The following GNAO1 variants were observed in gnomAD, a reference collection of about 807,000 sequenced individuals.
The protein encoded by GNAO1 is G protein subunit alpha o1.
For missense variants in GNAO1, 166 were observed against 478.7 expected, an observed-to-expected ratio of 0.35 and a Z score of 6.10; for synonymous variants, 164 against 180.7, an observed-to-expected ratio of 0.91 and a Z score of 0.74.
intron 2 of GNAO1, among the ~76,000 whole-genome samples, chr16:56,250,659 T>G (rs2036791248): frequency 6.6e-6 from 1 of 152,200 alleles, no homozygotes; most frequent in Admixed American, 6.5e-5. Flanking sequence ...CCTCTCTCAC[T>G]GAAAAGTCTG....
At chr16:56,345,132 G>A (rs1250807108) in intron 6 of GNAO1, 2 of 985,674 alleles carry the variant, frequency 2.0e-6, no homozygotes, top group South Asian at 4.7e-5. Context: ...TGAGCAGAAG[G>A]GGGCGGGGTA....
intron 2 of GNAO1, among the ~76,000 whole-genome samples, chr16:56,252,947 TG>T (rs1178487388): frequency 2.4e-4 from 37 of 152,218 alleles, no homozygotes; most frequent in African/African-American, 7.7e-4. Flanking sequence ...CCGTCCATGC[TG>T]GAGCCAGATT....
At chr16:56,291,216 C>A (rs573988027) in intron 3 of GNAO1, among the ~76,000 whole-genome samples, 1 of 152,152 alleles carries the variant, frequency 6.6e-6, no homozygotes, top group Non-Finnish European at 1.5e-5. Context: ...GTGGCTACAC[C>A]GTCTTACATT....
chr16:56,343,615 C>T (rs931002164), intron 6 of GNAO1: 1 of 609,758 alleles, frequency 1.6e-6, no homozygotes, highest in East Asian at 2.7e-5. Flanking sequence ...TTTGCTGACC[C>T]CTCAGGTCCC....
At chr16:56,248,705 C>G (rs2036771980) in intron 2 of GNAO1, among the ~76,000 whole-genome samples, 1 of 152,158 alleles carries the variant, frequency 6.6e-6, no homozygotes, top group South Asian at 2.1e-4. Flanking sequence ...GAAGAGTGTT[C>G]TAGGCAGAAG....
chr16:56,342,633 T>C (rs1596876684), intron 6 of GNAO1, among the ~76,000 whole-genome samples: 1 of 152,290 alleles, frequency 6.6e-6, no homozygotes, highest in South Asian at 2.1e-4. Context: ...AACAAGAAGT[T>C]TATAGGCTTC....
chr16:56,332,598 T>A (rs1051109025), intron 4 of GNAO1, among the ~76,000 whole-genome samples: 1 of 152,238 alleles, frequency 6.6e-6, no homozygotes, highest in African/African-American at 2.4e-5. Flanking sequence ...CTGTGTCGAC[T>A]GCCCCATCCC....
chr16:56,252,764 C>A (rs1221984423), intron 2 of GNAO1, among the ~76,000 whole-genome samples: 1 of 152,228 alleles, frequency 6.6e-6, no homozygotes, highest in African/African-American at 2.4e-5. Flanking sequence ...TCCCAACCTT[C>A]CTCCTGGCCC....
intron 3 of GNAO1, among the ~76,000 whole-genome samples, chr16:56,291,327 T>C (rs1428583485): frequency 1.3e-5 from 2 of 152,240 alleles, no homozygotes; most frequent in African/African-American, 4.8e-5. Context: ...CTATAACTCA[T>C]TGTGGTTTTC....
intron 2 of GNAO1, among the ~76,000 whole-genome samples, chr16:56,215,810 T>A (rs1156660062): frequency 6.6e-6 from 1 of 152,202 alleles, no homozygotes; most frequent in African/African-American, 2.4e-5. Context: ...TATGTATCAT[T>A]TGTGTGTTTG....
chr16:56,212,062 G>T (rs2036394423), intron 2 of GNAO1, among the ~76,000 whole-genome samples: 1 of 152,190 alleles, frequency 6.6e-6, no homozygotes, highest in Non-Finnish European at 1.5e-5. Context: ...CAATTGATGG[G>T]AGGAGAGTCT....
intron 2 of GNAO1, among the ~76,000 whole-genome samples, chr16:56,228,498 AG>A (rs1358651608): frequency 6.6e-6 from 1 of 151,892 alleles, no homozygotes; most frequent in African/African-American, 2.4e-5. Flanking sequence ...AAATACATAA[AG>A]AAAAATAGAA....
At position 56,314,410 on chromosome 16, in the gene GNAO1, G is replaced by A. The variant is rs534715047; in HGVS notation, c.304-14221G>A. On this transcript the variant is annotated intron_variant, in intron 3 of 8. Coordinates refer to ENST00000262493, the MANE Select transcript of GNAO1 (RefSeq NM_020988.3). Reference sequence around the variant, plus strand: ...GTCCCATGAAGGAAGGGATGAGTCCGGCTTGCAACTCAGCCTTTCCCCAGT... The same window carrying A: ...GTCCCATGAAGGAAGGGATGAGTCCAGCTTGCAACTCAGCCTTTCCCCAGT... 2.4e-3 allele frequency among the ~76,000 whole-genome samples: 367 copies of A among 152,278 alleles called. 1 individual carries two copies. Among genetic ancestry groups the A allele is most frequent in the Non-Finnish European group, 4.3e-3 (293 of 68,022 alleles).
At chr16:56,216,559 A>G (rs1200071449) in intron 2 of GNAO1, among the ~76,000 whole-genome samples, 2 of 152,234 alleles carry the variant, frequency 1.3e-5, no homozygotes, top group Non-Finnish European at 2.9e-5. Flanking sequence ...TGAATCATTA[A>G]GTGTTCAAGT....
intron 3 of GNAO1, among the ~76,000 whole-genome samples, chr16:56,284,108 C>G: frequency 6.6e-6 from 1 of 152,186 alleles, no homozygotes; most frequent in African/African-American, 2.4e-5. Context: ...TCCACAAATA[C>G]TTATCACTCA....
At chr16:56,307,828 G>A (rs1400949304) in intron 3 of GNAO1, 2 of 152,296 alleles carry the variant, frequency 1.3e-5, no homozygotes, top group Admixed American at 6.5e-5. Flanking sequence ...GAAGGATGGT[G>A]AGATGAGCAT....
chr16:56,246,320 C>T (rs1231714769), intron 2 of GNAO1, among the ~76,000 whole-genome samples: 3 of 152,240 alleles, frequency 2.0e-5, no homozygotes, highest in Non-Finnish European at 4.4e-5. Context: ...ACTTCAGCCT[C>T]CCAGCTGTAA....
Position 56,351,252 on chromosome 16 carries a change from C to G in GNAO1, c.724-132C>G. 1.6e-6 allele frequency: 1 copy of G among 627,612 alleles called. No individual in the cohort carries two copies. Among genetic ancestry groups the G allele is most frequent in the South Asian group, 1.9e-5 (1 of 52,254 alleles). The allele number at this position is 627,612 out of a possible 1,614,324, so 38.9% of individuals were successfully genotyped here. A position where few individuals can be genotyped will look rare whatever the true frequency, so the allele number is the denominator to read the frequency against. On this transcript the variant is annotated intron_variant, in intron 6 of 8. Coordinates refer to ENST00000262493, the MANE Select transcript of GNAO1 (RefSeq NM_020988.3). This position sits in a 1 kb window ranked among gnomAD's most constrained non-coding sequence, Gnocchi z 6.1. ...GAGGTGTAACTGACTCAGGTTCCAT[C>G]TGGCAGCCTCTCGGAGGAGCTGCCG...
chr16:56,287,433 T>G (rs1272674551), intron 3 of GNAO1, among the ~76,000 whole-genome samples: 1 of 152,194 alleles, frequency 6.6e-6, no homozygotes, highest in African/African-American at 2.4e-5. Flanking sequence ...AGGTTCCTCA[T>G]CTGAAAACTG....
Sources: gnomAD v4.1 joint callset for allele counts (sites outside exome capture counted in the v4.1 genomes callset) on GRCh38, gnomAD v4.1.1 for gene constraint, Gnocchi (gnomAD v3.1) non-coding constraint, MANE v1.5 for transcripts, NCBI Gene and HGNC (gene_info 2026-07-23, HGNC 2026-07-21) for gene names.